ETV6: variants seen among roughly 807,000 people sequenced by gnomAD.
ETV6 encodes the protein ETS variant transcription factor 6, also known as transcription factor ETV6.
Under a neutral mutation model 51.1 loss-of-function variants are expected in ETV6, and 16 were observed. The ratio of observed to expected loss-of-function variants is 0.31; its 90% confidence interval spans 0.21 to 0.48. ETV6 has a LOEUF of 0.48. Among genes scored for constraint, ETV6 ranks in the 20% least tolerant of loss-of-function variants. ETV6 has a pLI of 0.99. For synonymous variants in ETV6, 240 were observed against 224.1 expected, an observed-to-expected ratio of 1.07 and a Z score of -0.64; for missense variants, 458 against 594.8, an observed-to-expected ratio of 0.77 and a Z score of 2.39.
At chr12:11,669,397 T>C (rs189223775) in intron 1 of ETV6, among the ~76,000 whole-genome samples, 4,305 of 35,968 alleles carry the variant, frequency 0.12, 87 homozygotes, top group Admixed American at 0.2. Flanking sequence ...CTCCCTCCTT[T>C]CCTCCTTTCC....
intron 5 of ETV6, among the ~76,000 whole-genome samples, chr12:11,878,192 G>A (rs749919505): frequency 4.6e-5 from 7 of 152,176 alleles, no homozygotes; most frequent in Non-Finnish European, 1.0e-4. Context: ...TATTCCCAGC[G>A]GCTGAGTCAC....
chr12:11,729,347 A>G (rs1297658974), intron 1 of ETV6, among the ~76,000 whole-genome samples: 1 of 152,118 alleles, frequency 6.6e-6, no homozygotes, highest in African/African-American at 2.4e-5. Flanking sequence ...GGCCTGTTCA[A>G]AGGTTTTGTG....
chr12:11,880,900 A>G (rs188912060), intron 5 of ETV6, among the ~76,000 whole-genome samples: 5 of 152,324 alleles, frequency 3.3e-5, no homozygotes, highest in Non-Finnish European at 7.3e-5. Context: ...GAGGGGCTGC[A>G]CACAAACTAC....
Position 11,885,833 on chromosome 12 carries a change from C to T in ETV6, c.1153-93C>T, listed in dbSNP as rs1445373400. ...AGGGCCACAGGCAGCAGCTGAAGAG[C>T]TTTTATTTTAATAGCTCCCGCAGTG... On this transcript the variant is annotated intron_variant, in intron 6 of 7. Coordinates refer to ENST00000396373, the MANE Select transcript of ETV6 (RefSeq NM_001987.5). The T allele has an allele frequency of 5.5e-6, 5 of 909,926 alleles. No individual in the cohort carries two copies. In the East Asian group the frequency reaches 1.3e-4, roughly 23 times the overall value. 56.4% of individuals were successfully genotyped at this position (909,926 alleles called of 1,614,324 possible).
intron 2 of ETV6, among the ~76,000 whole-genome samples, chr12:11,767,041 G>C (rs900729182): frequency 1.3e-5 from 2 of 152,294 alleles, no homozygotes; most frequent in Non-Finnish European, 2.9e-5. Flanking sequence ...TAATGGAACA[G>C]GCTAGGAGAA....
chr12:11,661,550 A>G (rs1252904642), intron 1 of ETV6, among the ~76,000 whole-genome samples: 1 of 152,224 alleles, frequency 6.6e-6, no homozygotes, highest in Admixed American at 6.5e-5. Context: ...CAGATTCTTC[A>G]GGCTGGGTAA....
In ETV6 at chr12:11,832,315, G is replaced by T. The variant is rs561011743; in HGVS notation, c.164-6825G>T. On this transcript the variant is annotated intron_variant, in intron 2 of 7. Transcript: ENST00000396373. ...AGGTAGTGCAAACATTGACAGAAGG[G>T]AATTGAAGCCTGAGATGGGTGAATT... Among the ~76,000 whole-genome samples, 6 of 152,304 alleles carry T rather than the reference G, an allele frequency of 3.9e-5. No individual in the cohort carries two copies. In the South Asian group the frequency reaches 1.2e-3, roughly 32 times the overall value.
intron 1 of ETV6, among the ~76,000 whole-genome samples, chr12:11,650,664 AT>A (rs1168129965): frequency 9.9e-5 from 15 of 151,758 alleles, no homozygotes; most frequent in African/African-American, 3.4e-4. Flanking sequence ...ATCAGACAGG[AT>A]TTTTTTCCCC....
intron 2 of ETV6, among the ~76,000 whole-genome samples, chr12:11,801,931 C>A (rs192428759): frequency 6.6e-6 from 1 of 152,304 alleles, no homozygotes; most frequent in Non-Finnish European, 1.5e-5. Flanking sequence ...CAGCCCTCAA[C>A]CCCTGCTACC....
Position 11,683,040 on chromosome 12 carries a change from A to G in ETV6, c.33+32880A>G, listed in dbSNP as rs561085204. Among the ~76,000 whole-genome samples the G allele has an allele frequency of 1.9e-4, 29 of 152,354 alleles. No individual in the cohort carries two copies. The East Asian group carries it at 2.9e-3, about 15-fold the overall frequency. On this transcript the variant is annotated intron_variant, in intron 1 of 7. Transcript: ENST00000396373. ...AAAGATTCCTCCTTGAGTAGATTCA[A>G]TAATTCAAACTGGACATGAACATGT... is the stretch of plus-strand genomic sequence containing the variant.
chr12:11,794,860 T>C (rs1467127820), intron 2 of ETV6, among the ~76,000 whole-genome samples: 1 of 152,262 alleles, frequency 6.6e-6, no homozygotes, highest in Non-Finnish European at 1.5e-5. Context: ...CTTTCTCATT[T>C]GGTGGTAAAT....
In ETV6 at chr12:11,893,388, A is replaced by G. The variant is rs1022577815; in HGVS notation, c.*2342A>G. 4 of 232,168 alleles carry G rather than the reference A, an allele frequency of 1.7e-5. No individual in the cohort carries two copies. The highest frequency in any genetic ancestry group is 3.4e-5 in the Non-Finnish European group (4 of 117,536). The allele number at this position is 232,168 out of a possible 1,614,324, so 14.4% of individuals were successfully genotyped here. A position where few individuals can be genotyped will look rare whatever the true frequency, so the allele number is the denominator to read the frequency against. ...CTTAACAGTTGAATTATGGAGGGAA[A>G]TTCCCTTTTGCCCCAAGCATTTCTA... On this transcript the variant is annotated 3_prime_UTR_variant, in exon 8 of 8. Transcript: ENST00000396373.
chr12:11,807,772 A>C (rs1293068762), intron 2 of ETV6, among the ~76,000 whole-genome samples: 1 of 152,180 alleles, frequency 6.6e-6, no homozygotes, highest in East Asian at 1.9e-4. Context: ...CTGTTACTAG[A>C]GCAATGGATG....
At chr12:11,792,515 T>C (rs1945615014) in intron 2 of ETV6, among the ~76,000 whole-genome samples, 1 of 151,926 alleles carries the variant, frequency 6.6e-6, no homozygotes, top group South Asian at 2.1e-4. Context: ...GGTGAAACCC[T>C]GTCTCTACTA....
At chr12:11,873,171 A>T (rs1489902663) in intron 5 of ETV6, among the ~76,000 whole-genome samples, 1 of 152,210 alleles carries the variant, frequency 6.6e-6, no homozygotes, top group Non-Finnish European at 1.5e-5. Context: ...TTCCACTGAA[A>T]GGCATTGTTT....
At chr12:11,856,826 A>G (rs926042985) in intron 4 of ETV6, among the ~76,000 whole-genome samples, 1 of 152,232 alleles carries the variant, frequency 6.6e-6, no homozygotes, top group Non-Finnish European at 1.5e-5. Flanking sequence ...TGAAAAAAAA[A>G]TCTGTCAAGT....
chr12:11,675,154 G>C (rs536761436), intron 1 of ETV6, among the ~76,000 whole-genome samples: 111 of 152,300 alleles, frequency 7.3e-4, no homozygotes, highest in African/African-American at 2.5e-3. Context: ...AGAACACCAG[G>C]ATGTGTTTTT....
chr12:11,694,172 T>C (rs1233805124), intron 1 of ETV6, among the ~76,000 whole-genome samples: 3 of 152,204 alleles, frequency 2.0e-5, no homozygotes, highest in African/African-American at 4.8e-5. Flanking sequence ...TGTATTCTTG[T>C]AGCTACCTAG....
chr12:11,761,837 C>T (rs749098986), intron 2 of ETV6, among the ~76,000 whole-genome samples: 1 of 152,222 alleles, frequency 6.6e-6, no homozygotes, highest in Non-Finnish European at 1.5e-5. Flanking sequence ...CCAACTCAAT[C>T]GTCGCATTGT....
Sources: gnomAD v4.1 joint callset for allele counts (sites outside exome capture counted in the v4.1 genomes callset) on GRCh38, gnomAD v4.1.1 for gene constraint, MANE v1.5 for transcripts, NCBI Gene and HGNC (gene_info 2026-07-23, HGNC 2026-07-21) for gene names.